NTNG1: variants seen among roughly 807,000 people sequenced by gnomAD.
NTNG1 encodes the protein netrin-G1.
In NTNG1, 16 loss-of-function variants were observed where a neutral mutation model predicts 54.0. The ratio of observed to expected loss-of-function variants is 0.30; its 90% CI spans 0.20 to 0.45. The LOEUF is 0.45. NTNG1 is among the 20% of genes least tolerant of loss of function. The pLI is 1.00. For missense variants in NTNG1, 530 were observed against 678.7 expected (o/e 0.78, Z 2.43); for synonymous variants, 255 against 263.1 (o/e 0.97, Z 0.30).
At chr1:107,264,085 G>T (rs1663566848) in intron 2 of NTNG1, among the ~76,000 whole-genome samples, 1 of 151,276 alleles carries the variant, frequency 6.6e-6, no homozygotes, top group Admixed American at 6.6e-5. Flanking sequence ...TCTCTCTCTT[G>T]TTATTTGATT....
At chr1:107,469,021 C>T (rs555790139) in intron 7 of NTNG1, among the ~76,000 whole-genome samples, 4 of 142,748 alleles carry the variant, frequency 2.8e-5, no homozygotes, top group South Asian at 2.4e-4. Flanking sequence ...GCTTGAATCC[C>T]GGGAGGCGGA....
At chr1:107,422,642 C>G (rs1227902575) in intron 5 of NTNG1, among the ~76,000 whole-genome samples, 1 of 152,028 alleles carries the variant, frequency 6.6e-6, no homozygotes, top group Non-Finnish European at 1.5e-5. Flanking sequence ...ATGCTAGAGC[C>G]TCTTAATTCC....
chr1:107,333,558 C>T (rs1268105553), intron 3 of NTNG1, among the ~76,000 whole-genome samples: 3 of 151,890 alleles, frequency 2.0e-5, no homozygotes, highest in African/African-American at 7.3e-5. Flanking sequence ...TACCCATAAA[C>T]GACTAGTATT....
intron 2 of NTNG1, among the ~76,000 whole-genome samples, chr1:107,221,744 G>A (rs1049990674): frequency 2.0e-5 from 3 of 152,170 alleles, no homozygotes; most frequent in Non-Finnish European, 2.9e-5. Context: ...ACTAAGGGAT[G>A]TGAGCTCTGT....
chr1:107,351,648 T>C (rs1451077584), intron 3 of NTNG1, among the ~76,000 whole-genome samples: 1 of 152,234 alleles, frequency 6.6e-6, no homozygotes, highest in East Asian at 1.9e-4. Flanking sequence ...CCCAAAACAA[T>C]ATCATTCTGC....
intron 3 of NTNG1, among the ~76,000 whole-genome samples, chr1:107,335,875 C>G (rs1236956442): frequency 6.6e-6 from 1 of 151,644 alleles, no homozygotes; most frequent in African/African-American, 2.4e-5. Context: ...TAAACTTAAC[C>G]AAGATCCAAA....
At chr1:107,151,217 G>A (rs1471116204) in intron 2 of NTNG1, among the ~76,000 whole-genome samples, 5 of 152,044 alleles carry the variant, frequency 3.3e-5, no homozygotes, top group Admixed American at 2.0e-4. Context: ...TATATACCAC[G>A]TCAATGGTAA....
In NTNG1 at chr1:107,480,656, C is replaced by T; in HGVS notation, c.1436C>T (p.Thr479Met). The T allele has an allele frequency of 2.0e-6, 3 of 1,533,324 alleles. No individual in the cohort carries two copies. Among genetic ancestry groups the T allele is most frequent in the African/African-American group, 1.4e-5 (1 of 70,784 alleles). 95.0% of individuals were successfully genotyped at this position (1,533,324 alleles called of 1,614,324 possible). Reference sequence around the variant, plus strand: ...CTCCTGCACTGCCAGAACGGAGGGACGTGCCACAACAACGTGCGCTGCCTG... The same window carrying T: ...CTCCTGCACTGCCAGAACGGAGGGATGTGCCACAACAACGTGCGCTGCCTG... ...NELLHCQNGG[T>M]CHNNVRCLCP... The change falls in exon 8 of 8, where the codon ACG becomes ATG. Residue 479 changes from threonine (T) to methionine (M), a missense_variant. By Grantham distance (81) the Thr-to-Met change is moderately conservative (BLOSUM62 -1). Transcript: ENST00000370068.
intron 2 of NTNG1, among the ~76,000 whole-genome samples, chr1:107,178,658 G>A (rs959071759): frequency 6.6e-6 from 1 of 152,088 alleles, no homozygotes; most frequent in African/African-American, 2.4e-5. Context: ...TTAATTGATA[G>A]GTTGGCACAG....
intron 4 of NTNG1, among the ~76,000 whole-genome samples, chr1:107,396,730 A>G (rs908521437): frequency 3.9e-5 from 6 of 152,166 alleles, no homozygotes; most frequent in Non-Finnish European, 8.8e-5. Flanking sequence ...AAGCTTTCCT[A>G]AAGTAAAAAT....
At chr1:107,150,444 C>T (rs775127874) in intron 2 of NTNG1, among the ~76,000 whole-genome samples, 8 of 152,236 alleles carry the variant, frequency 5.3e-5, no homozygotes, top group Non-Finnish European at 4.4e-5. Context: ...GTTGTATAGT[C>T]TTCTACGCCT....
intron 5 of NTNG1, among the ~76,000 whole-genome samples, chr1:107,422,111 A>G (rs1379439204): frequency 1.3e-5 from 2 of 152,224 alleles, no homozygotes; most frequent in South Asian, 2.1e-4. Flanking sequence ...GAGTATTTAA[A>G]CCATATGTCA....
intron 2 of NTNG1, among the ~76,000 whole-genome samples, chr1:107,206,165 C>T (rs1659175189): frequency 6.6e-6 from 1 of 152,038 alleles, no homozygotes; most frequent in South Asian, 2.1e-4. Flanking sequence ...ATACTTTCAG[C>T]TTTCGTGGAC....
intron 7 of NTNG1, among the ~76,000 whole-genome samples, chr1:107,457,441 C>G (rs1301457176): frequency 6.6e-6 from 1 of 152,134 alleles, no homozygotes; most frequent in Non-Finnish European, 1.5e-5. Flanking sequence ...GAGCATTCAT[C>G]CAACACAGTT....
rs542651261 is a variant in NTNG1, at chr1:107,304,583, C to T, written c.247-19699C>T. ...AGAAATCTCCAATTATTTTTCTGGA[C>T]ACACATAAATGATCCTTGTTGCAGT... is the stretch of plus-strand genomic sequence containing the variant. On this transcript the variant is annotated intron_variant, in intron 2 of 7. Transcript: ENST00000370068. 2.2e-4 allele frequency among the ~76,000 whole-genome samples: 34 copies of T among 152,246 alleles called. No homozygotes were observed. In the South Asian group the frequency reaches 6.6e-3, roughly 30 times the overall value.
At chr1:107,158,526 G>A (rs1485539547) in intron 2 of NTNG1, among the ~76,000 whole-genome samples, 1 of 152,118 alleles carries the variant, frequency 6.6e-6, no homozygotes, top group Non-Finnish European at 1.5e-5. Flanking sequence ...GAGAGTTGAT[G>A]TCCATTGAGA....
intron 7 of NTNG1, among the ~76,000 whole-genome samples, chr1:107,465,700 G>A (rs1053646915): frequency 1.3e-5 from 2 of 152,158 alleles, no homozygotes; most frequent in African/African-American, 4.8e-5. Flanking sequence ...CAGGCATGTG[G>A]CAGTCCAGGG....
intron 3 of NTNG1, among the ~76,000 whole-genome samples, chr1:107,359,964 T>C (rs1443520698): frequency 6.6e-6 from 1 of 152,144 alleles, no homozygotes; most frequent in East Asian, 1.9e-4. Flanking sequence ...CCCAGATATA[T>C]CTTATTTGGT....
At chr1:107,443,247 T>A (rs1676086786) in intron 7 of NTNG1, among the ~76,000 whole-genome samples, 2 of 152,084 alleles carry the variant, frequency 1.3e-5, no homozygotes, top group African/African-American at 2.4e-5. Context: ...CCCACAGACC[T>A]CAGACTCTCA....
Sources: gnomAD v4.1 joint callset for allele counts (sites outside exome capture counted in the v4.1 genomes callset) on GRCh38, gnomAD v4.1.1 for gene constraint, MANE v1.5 for transcripts, NCBI Gene and HGNC (gene_info 2026-07-23, HGNC 2026-07-21) for gene names.